Variants in WASF3 observed in about 807,000 individuals in gnomAD.
WASF3 encodes actin-binding protein WASF3.
WASF3 carries 11 observed loss-of-function variants against 46.6 expected under a neutral mutation model. The observed-to-expected ratio is 0.24, with a 90% CI of 0.15 to 0.39. WASF3 has a LOEUF of 0.39. WASF3 is among the 10% of genes least tolerant of loss of function. The pLI is 1.00. For synonymous variants in WASF3, 242 were observed against 259.7 expected (o/e 0.93, Z 0.65); for missense variants, 576 against 669.8 (o/e 0.86, Z 1.55).
intron 1 of WASF3, among the ~76,000 whole-genome samples, chr13:26,573,909 CATT>C (rs756579138): frequency 2.0e-5 from 3 of 152,062 alleles, no homozygotes; most frequent in South Asian, 2.1e-4. Context: ...AGAAATAAAT[CATT>C]ATTATGTAGT....
chr13:26,572,836 AGC>A (rs1220594636), intron 1 of WASF3, among the ~76,000 whole-genome samples: 8 of 152,106 alleles, frequency 5.3e-5, no homozygotes, highest in African/African-American at 1.9e-4. Context: ...TACAGGCGGG[AGC>A]CACCGCGCCT....
chr13:26,656,100 C>T (rs1882457474), intron 3 of WASF3, among the ~76,000 whole-genome samples: 1 of 151,874 alleles, frequency 6.6e-6, no homozygotes, highest in South Asian at 2.1e-4. Context: ...CCAGAAAGGA[C>T]TCATACAAGA....
At chr13:26,663,609 A>G (rs1406556241) in intron 3 of WASF3, among the ~76,000 whole-genome samples, 1 of 152,164 alleles carries the variant, frequency 6.6e-6, no homozygotes, top group Non-Finnish European at 1.5e-5. Context: ...TTATTGATTT[A>G]TTCTTATTTT....
Position 26,682,879 on chromosome 13 carries a change from T to C in WASF3, c.1256T>C (p.Met419Thr). The C allele has an allele frequency of 1.2e-6, 2 of 1,610,358 alleles. No homozygotes were observed. The highest frequency in any genetic ancestry group is 1.7e-6 in the Non-Finnish European group (2 of 1,179,306). Residue 419 changes from methionine (M) to threonine (T), a missense_variant, in exon 9 of 10, where the codon ATG becomes ACG. Met to Thr is a moderately conservative substitution (Grantham distance 81, BLOSUM62 -1). Coordinates refer to ENST00000335327, the MANE Select transcript of WASF3 (RefSeq NM_006646.6). This position sits in a 1 kb window ranked among gnomAD's most constrained non-coding sequence, Gnocchi z 4.4. The stretch of plus-strand genomic sequence containing the variant: ...GGGTCTTCTCTTTCGTCCTCCCCAA[T>C]GCATGGCCCCCCAGTAGCTGAGGCG... ...GPGSSLSSSP[M>T]HGPPVAEAKR...
intron 3 of WASF3, among the ~76,000 whole-genome samples, chr13:26,652,511 G>C (rs1351904481): frequency 1.3e-5 from 2 of 152,212 alleles, no homozygotes; most frequent in African/African-American, 4.8e-5. Flanking sequence ...ATACCAGCCA[G>C]TCTGACTTAA....
At chr13:26,595,672 C>T (rs897560386) in intron 1 of WASF3, among the ~76,000 whole-genome samples, 1 of 152,200 alleles carries the variant, frequency 6.6e-6, no homozygotes, top group Non-Finnish European at 1.5e-5. Context: ...CCATCCTATT[C>T]CTTGTCCCTG....
At chr13:26,546,639 G>C in the WASF3 span, among the ~76,000 whole-genome samples, 2,350 of 152,286 alleles carry the variant, frequency 0.015, 70 homozygotes, top group African/African-American at 0.054. Flanking sequence ...TTGAACCCGG[G>C]AGGCGGAGGT....
At chr13:26,592,026 GTTTT>G (rs10607701) in intron 1 of WASF3, among the ~76,000 whole-genome samples, 17 of 121,100 alleles carry the variant, frequency 1.4e-4, no homozygotes, top group Non-Finnish European at 1.1e-4. Flanking sequence ...GAGCAGGCGA[GTTTT>G]TTTTTTTTTT....
At chr13:26,553,158 T>C (rs543779604), upstream of WASF3, among the ~76,000 whole-genome samples, 22 of 152,346 alleles carry the variant, frequency 1.4e-4, no homozygotes, top group African/African-American at 3.1e-4. Flanking sequence ...CTGGCTTCAC[T>C]ACACGCTGCA....
At chr13:26,546,661 G>A in the WASF3 span, among the ~76,000 whole-genome samples, 3 of 152,302 alleles carry the variant, frequency 2.0e-5, no homozygotes, top group African/African-American at 7.2e-5. Context: ...GTGGTGAGCC[G>A]AGATCGCGGC....
chr13:26,593,047 G>A (rs372516990), intron 1 of WASF3, among the ~76,000 whole-genome samples: 2 of 152,070 alleles, frequency 1.3e-5, no homozygotes, highest in Non-Finnish European at 2.9e-5. Context: ...GGATGTTAAC[G>A]GTTTTTAGGG....
chr13:26,611,031 CTTTTTTTT>C (rs71080282), intron 1 of WASF3, among the ~76,000 whole-genome samples: 1 of 110,578 alleles, frequency 9.0e-6, no homozygotes, highest in Non-Finnish European at 1.8e-5. Flanking sequence ...TTACTTACTC[CTTTTTTTT>C]TTTTTTTTTT....
intron 6 of WASF3, among the ~76,000 whole-genome samples, chr13:26,674,327 C>T (rs1029389805): frequency 2.6e-5 from 4 of 152,208 alleles, no homozygotes; most frequent in East Asian, 1.9e-4. Flanking sequence ...GGCCGAGAAG[C>T]GATTATTCAT....
At chr13:26,677,772 T>C (rs533684799) in intron 7 of WASF3, among the ~76,000 whole-genome samples, 1 of 152,374 alleles carries the variant, frequency 6.6e-6, no homozygotes, top group African/African-American at 2.4e-5. Flanking sequence ...GTAGGAATTA[T>C]AACACAGTTC....
intron 1 of WASF3, among the ~76,000 whole-genome samples, chr13:26,564,555 C>A (rs1262128828): frequency 6.6e-6 from 1 of 152,182 alleles, no homozygotes; most frequent in Non-Finnish European, 1.5e-5. Context: ...TAGTTCCTCT[C>A]ATAGCATCCT....
chr13:26,544,098 C>T, the WASF3 span, among the ~76,000 whole-genome samples: 1 of 152,160 alleles, frequency 6.6e-6, no homozygotes, highest in Admixed American at 6.5e-5. Context: ...CACAAAAATT[C>T]TAACAAGATT....
chr13:26,661,401 A>T (rs550230186), intron 3 of WASF3, among the ~76,000 whole-genome samples: 3 of 152,344 alleles, frequency 2.0e-5, no homozygotes, highest in African/African-American at 7.2e-5. Flanking sequence ...AATTTTGCTT[A>T]GCCTAATGTC....
intron 6 of WASF3, among the ~76,000 whole-genome samples, chr13:26,675,481 TACACACACACACACACAC>T (rs56162218): frequency 8.2e-5 from 12 of 145,770 alleles, no homozygotes; most frequent in East Asian, 2.0e-4. Flanking sequence ...TAGACACACA[TACACACACACACACACAC>T]ACACACACAC....
In WASF3 at chr13:26,633,200, C is replaced by CTTTTTTTTTTTTTTT. The variant is rs58237286; in HGVS notation, c.-10-9059_-10-9045dup. 4.4e-4 allele frequency among the ~76,000 whole-genome samples: 40 copies of CTTTTTTTTTTTTTTT among 90,432 alleles called. 2 individuals carry two copies. Among genetic ancestry groups the CTTTTTTTTTTTTTTT allele is most frequent in the Non-Finnish European group, 6.7e-4 (32 of 47,918 alleles). 59.3% of individuals were successfully genotyped at this position (90,432 alleles called of 152,430 possible). On this transcript the variant is annotated intron_variant, in intron 2 of 9. Transcript: ENST00000335327. ...AGTTCTGTTTTGATCTTAGTTATTT[C>CTTTTTTTTTTTTTTT]TTTTTTTTTTTTTTTTCTTGAGGCA... is the stretch of plus-strand genomic sequence containing the variant.
Sources: allele counts gnomAD v4.1 joint callset (sites outside exome capture counted in the v4.1 genomes callset), GRCh38; gene constraint gnomAD v4.1.1; non-coding constraint Gnocchi (gnomAD v3.1); transcripts MANE v1.5; gene names NCBI Gene and HGNC (gene_info 2026-07-23, HGNC 2026-07-21).